Variants in COPS7A observed in about 807,000 individuals in gnomAD.
COPS7A encodes COP9 signalosome subunit 7A.
Under a neutral mutation model 35.2 loss-of-function variants are expected in COPS7A, and 20 were observed. The observed-to-expected ratio is 0.57, with a 90% confidence interval of 0.40 to 0.83. The LOEUF is 0.83. COPS7A is among the 40% of genes least tolerant of loss of function. COPS7A has a pLI of 0.00. For missense variants in COPS7A, 247 were observed against 347.5 expected (o/e 0.71, Z 2.30); for synonymous variants, 139 against 141.4 (o/e 0.98, Z 0.12).
In COPS7A at chr12:6,729,916, A is replaced by G. The variant is rs1941350400; in HGVS notation, c.530+467A>G. Among the ~76,000 whole-genome samples the G allele has an allele frequency of 6.6e-6, 1 of 152,020 alleles. No individual in the cohort carries two copies. Among genetic ancestry groups the G allele is most frequent in the South Asian group, 2.1e-4 (1 of 4,832 alleles). On this transcript the variant is annotated intron_variant, in intron 5 of 7. Coordinates refer to ENST00000543155, the MANE Select transcript of COPS7A (RefSeq NM_001164094.2). The surrounding 1 kb of genome is among the most constrained non-coding windows in gnomAD (Gnocchi z 4.2). ...CTACTCCCATCTTGCTCATCACTCCAGGCGCTTCCTTATCCCTCTCTGACC... is the reference window on the plus strand; with the variant it reads ...CTACTCCCATCTTGCTCATCACTCCGGGCGCTTCCTTATCCCTCTCTGACC...
intron 2 of COPS7A, 157 bp from the exon 3 acceptor site, chr12:6,727,769 A>T: frequency 1.4e-6 from 1 of 718,464 alleles, no homozygotes; most frequent in African/African-American, 1.7e-5. Flanking sequence ...TCCTATGTGA[A>T]GAGTGATCAG....
chr12:6,727,375 C>A (rs184044440), intron 2 of COPS7A, among the ~76,000 whole-genome samples: 1 of 149,500 alleles, frequency 6.7e-6, no homozygotes, highest in Non-Finnish European at 1.5e-5. Context: ...ATGAGTGATC[C>A]ATGATAGGAG....
intron 1 of COPS7A, 193 bp from the exon 2 acceptor site, chr12:6,724,421 G>GGGA: frequency 3.5e-6 from 2 of 573,212 alleles, no homozygotes. Flanking sequence ...TTAGGCCCAG[G>GGGA]GGAGGGGGTG....
chr12:6,729,409 C>CGCCAGGACCTCAGTGCCATT lies in COPS7A; in HGVS notation c.494_513dup (p.Leu174SerfsTer26). 1 of 1,614,078 alleles carries CGCCAGGACCTCAGTGCCATT rather than the reference C, an allele frequency of 6.2e-7. No homozygotes were observed. Among genetic ancestry groups the CGCCAGGACCTCAGTGCCATT allele is most frequent in the Non-Finnish European group, 8.5e-7 (1 of 1,180,030 alleles). ...CTACAGCATCGGGCGGGACATCCAG[C>CGCCAGGACCTCAGTGCCATT]GCCAGGACCTCAGTGCCATTGCCCG... On this transcript the variant is annotated frameshift_variant, in exon 5 of 8. Transcript: ENST00000543155. LOFTEE classifies it high-confidence loss of function. This position sits in a 1 kb window ranked among gnomAD's most constrained non-coding sequence, Gnocchi z 4.2.
At chr12:6,728,937 A>G in intron 4 of COPS7A, 1 of 405,374 alleles carries the variant, frequency 2.5e-6, no homozygotes, top group Non-Finnish European at 4.6e-6. Context: ...GGACTGGGTG[A>G]TACCCTGAGC....
chr12:6,725,339 A>G (rs1251231987), intron 2 of COPS7A, among the ~76,000 whole-genome samples: 1 of 151,888 alleles, frequency 6.6e-6, no homozygotes, highest in Non-Finnish European at 1.5e-5. Context: ...TTGTATTTTT[A>G]GTAGAGATGG....
chr12:6,728,995 T>G, intron 4 of COPS7A: 1 of 492,450 alleles, frequency 2.0e-6, no homozygotes, highest in Non-Finnish European at 3.7e-6. Flanking sequence ...TCTCCTTCTG[T>G]GGTGTGTCAG....
chr12:6,724,585 C>T (rs768033623), intron 1 of COPS7A, 29 bp from the exon 2 acceptor site: 29 of 1,595,718 alleles, frequency 1.8e-5, no homozygotes, highest in Non-Finnish European at 2.4e-5. Flanking sequence ...CATCGGGGAC[C>T]TCTAGCTTCA....
intron 2 of COPS7A, among the ~76,000 whole-genome samples, chr12:6,725,255 C>G (rs1034441731): frequency 2.0e-5 from 3 of 150,950 alleles, no homozygotes; most frequent in Non-Finnish European, 4.4e-5. Flanking sequence ...CTCCTGGGTT[C>G]ACGCCATTCT....
In COPS7A at chr12:6,724,463, A is replaced by G. The variant is rs528030472; in HGVS notation, c.-43-151A>G. ...GCAGCCTTGCGAAGTGGCTGACTTT[A>G]GGATTCCTAGATCAGAATTTTAGAC... On this transcript the variant is annotated intron_variant, in intron 1 of 7. Coordinates refer to ENST00000543155, the MANE Select transcript of COPS7A (RefSeq NM_001164094.2). The G allele has an allele frequency of 3.0e-4, 210 of 691,502 alleles. No individual in the cohort carries two copies. The Middle Eastern group carries it at 6.1e-3, about 20-fold the overall frequency. 42.8% of individuals were successfully genotyped at this position (691,502 alleles called of 1,614,324 possible). A position where few individuals can be genotyped will look rare whatever the true frequency, so the allele number is the denominator to read the frequency against.
chr12:6,727,740 G>C, intron 2 of COPS7A, 186 bp from the exon 3 acceptor site: 2 of 694,668 alleles, frequency 2.9e-6, no homozygotes, highest in Non-Finnish European at 5.3e-6. Flanking sequence ...ACAAAAGCCT[G>C]AAGGTGGAAA....
At chr12:6,725,125 A>G (rs1471044415) in intron 2 of COPS7A, among the ~76,000 whole-genome samples, 1 of 151,084 alleles carries the variant, frequency 6.6e-6, no homozygotes, top group African/African-American at 2.4e-5. Context: ...CACCTTGATC[A>G]GGTCACTTTT....
intron 3 of COPS7A, 107 bp downstream of exon 3, chr12:6,728,108 A>G: frequency 1.4e-6 from 2 of 1,461,846 alleles, no homozygotes; most frequent in Admixed American, 1.7e-5. Context: ...CCCTGGATGC[A>G]TAGGGTCAGG....
Position 6,726,645 on chromosome 12 carries a change from T to C in COPS7A, c.163-1281T>C, listed in dbSNP as rs190009784. ...AATAAATAAAACAAACAAAAGCTCATGTATCCCAGAACTTAAAGTATAATT... is the reference window on the plus strand; with the variant it reads ...AATAAATAAAACAAACAAAAGCTCACGTATCCCAGAACTTAAAGTATAATT... On this transcript the variant is annotated intron_variant, in intron 2 of 7. Coordinates refer to ENST00000543155, the MANE Select transcript of COPS7A (RefSeq NM_001164094.2). Among the ~76,000 whole-genome samples, 61 of 143,290 alleles carry C rather than the reference T, an allele frequency of 4.3e-4. 1 individual carries two copies. The highest frequency in any genetic ancestry group is 1.4e-3 in the African/African-American group (53 of 38,264). 94.0% of individuals were successfully genotyped at this position (143,290 alleles called of 152,430 possible). A position where few individuals can be genotyped will look rare whatever the true frequency, so the allele number is the denominator to read the frequency against.
Position 6,729,483 on chromosome 12 carries a change from A to C in COPS7A, c.530+34A>C. 1.3e-6 allele frequency: 2 copies of C among 1,599,954 alleles called. No homozygotes were observed. Among genetic ancestry groups the C allele is most frequent in the Non-Finnish European group, 1.7e-6 (2 of 1,174,492 alleles). On this transcript the variant is annotated intron_variant, in intron 5 of 7. Transcript: ENST00000543155. This position sits in a 1 kb window ranked among gnomAD's most constrained non-coding sequence, Gnocchi z 4.2. ...CGTATCCTGGCACTGTCCCCTTCTC[A>C]CCCTGAGAAAGAGAAAGGCGCTTCA...
In COPS7A at chr12:6,730,981, T is replaced by C. The variant is rs1207308498; in HGVS notation, c.789-19T>C. 38 of 1,609,550 alleles carry C rather than the reference T, an allele frequency of 2.4e-5. No homozygotes were observed. Among genetic ancestry groups the C allele is most frequent in the Non-Finnish European group, 3.1e-5 (37 of 1,176,394 alleles). The stretch of plus-strand genomic sequence containing the variant: ...TGCATTCTCTCTCTCTCTCTCTTTC[T>C]CTCTCTTCTCCTTGCCAGGCTCCGA... On this transcript the variant is annotated intron_variant, in intron 7 of 7. Coordinates refer to ENST00000543155, the MANE Select transcript of COPS7A (RefSeq NM_001164094.2).
rs567748807 is a variant in COPS7A at position 6,724,065 on chromosome 12, C to T, written c.-158C>T. 1.5e-4 allele frequency: 33 copies of T among 222,430 alleles called. 2 individuals carry two copies. The highest frequency in any genetic ancestry group is 1.3e-3 in the South Asian group (29 of 22,436). 13.8% of individuals were successfully genotyped at this position (222,430 alleles called of 1,614,324 possible). On this transcript the variant is annotated 5_prime_UTR_variant, in exon 1 of 8. Transcript: ENST00000543155. ...GAGTTTAGTGGCCAGAGCGACTCTTCAGGGAGGTGGCAGGAAAGGCTTGGA... is the reference window on the plus strand; with the variant it reads ...GAGTTTAGTGGCCAGAGCGACTCTTTAGGGAGGTGGCAGGAAAGGCTTGGA...
chr12:6,730,922 G>T, intron 7 of COPS7A, 78 bp from the exon 8 acceptor site: 1 of 1,586,248 alleles, frequency 6.3e-7, no homozygotes, highest in Non-Finnish European at 8.6e-7. Context: ...TGGGAGTAGG[G>T]AGTGGGGGAG....
In COPS7A at chr12:6,729,339, G is replaced by A; in HGVS notation, c.420G>A (p.Val140=). 6.2e-7 allele frequency: 1 copy of A among 1,614,196 alleles called. No individual in the cohort carries two copies. Among genetic ancestry groups the A allele is most frequent in the Non-Finnish European group, 8.5e-7 (1 of 1,180,040 alleles). The change falls in exon 5 of 8, where the codon GTG becomes GTA. Residue 140 remains valine, a synonymous_variant. Transcript: ENST00000543155. The surrounding 1 kb of genome is among the most constrained non-coding windows in gnomAD (Gnocchi z 4.2). ...TGATTGAGGCTGTGTATGCTGACGT[G>A]CTTCGTGGCTCCCTGGACCAGCGCA... The part of the protein sequence containing the change: ...DLVIEAVYAD[V]LRGSLDQRNQ...
Sources: allele counts gnomAD v4.1 joint callset (sites outside exome capture counted in the v4.1 genomes callset), GRCh38; gene constraint gnomAD v4.1.1; non-coding constraint Gnocchi (gnomAD v3.1); transcripts MANE v1.5; gene names NCBI Gene and HGNC (gene_info 2026-07-23, HGNC 2026-07-21).